SLC38A11: variants seen among roughly 807,000 people sequenced by gnomAD.
The protein encoded by SLC38A11 is solute carrier family 38 member 11.
A neutral mutation model predicts 49.4 loss-of-function variants in SLC38A11; 51 were observed. The observed-to-expected ratio is 1.03, with a 90% CI of 0.83 to 1.30. SLC38A11 has a LOEUF of 1.30. Among genes scored for constraint, SLC38A11 ranks in the 50% most tolerant of loss-of-function variants. The pLI, the probability that SLC38A11 is intolerant of heterozygous loss-of-function variation, is 0.00. For synonymous variants in SLC38A11, 203 were observed against 192.9 expected (o/e 1.05, Z -0.43); for missense variants, 574 against 556.2 (o/e 1.03, Z -0.32).
intron 7 of SLC38A11, among the ~76,000 whole-genome samples, chr2:164,923,478 C>T (rs1002140295): frequency 8.6e-5 from 13 of 151,786 alleles, no homozygotes; most frequent in African/African-American, 3.1e-4. Context: ...AAGAAATGCT[C>T]AACATTACTA....
At chr2:164,911,794 TTGAGA>T (rs755034909) in intron 9 of SLC38A11, 46 bp from the exon 10 acceptor site, 2 of 1,044,388 alleles carry the variant, frequency 1.9e-6, no homozygotes, top group Non-Finnish European at 1.4e-6. Context: ...TACTAAATGT[TTGAGA>T]TAACTATCTA....
chr2:164,909,922 C>T (rs1034764362), intron 10 of SLC38A11, among the ~76,000 whole-genome samples: 8 of 152,002 alleles, frequency 5.3e-5, no homozygotes, highest in African/African-American at 1.9e-4. Flanking sequence ...TGTAATGTCT[C>T]TCCAAGTATT....
rs752145268 is a variant in SLC38A11 at position 164,898,685 on chromosome 2, A to T, written c.1141T>A (p.Cys381Ser). ...GGTTCTTCAGACAGTTTCAGATAAC[A>T]GGCTGATGGAATGATAAAAATGAGG... Reference protein sequence around the residue: ...TPLIFIIPSACYLKLSEEPRT... With the variant: ...TPLIFIIPSASYLKLSEEPRT... Residue 381 changes from cysteine to serine, a missense_variant, in exon 12 of 12, where the codon TGT becomes AGT. Physicochemically the swap from Cys to Ser is moderately radical, Grantham distance 112 (BLOSUM62 -1). Transcript: ENST00000685975. The T allele has an allele frequency of 5.0e-6, 8 of 1,613,470 alleles. No individual in the cohort carries two copies. The highest frequency in any genetic ancestry group is 1.7e-4 in the Middle Eastern group (1 of 6,056).
chr2:164,939,669 A>G (rs1278105623), intron 5 of SLC38A11, 113 bp from the exon 6 acceptor site: 2 of 547,362 alleles, frequency 3.7e-6, no homozygotes, highest in East Asian at 3.1e-5. Flanking sequence ...TACTACCTCA[A>G]TGACAATAAT....
chr2:164,921,431 C>T (rs541433859), intron 7 of SLC38A11, among the ~76,000 whole-genome samples: 1 of 152,258 alleles, frequency 6.6e-6, no homozygotes, highest in Admixed American at 6.5e-5. Context: ...AAGAGGTCCT[C>T]CAGCCTCTGC....
chr2:164,928,042 T>G lies in SLC38A11; in HGVS notation c.617+9308A>C, dbSNP rs906942357. 4.1e-4 allele frequency among the ~76,000 whole-genome samples: 62 copies of G among 152,182 alleles called. 1 individual carries two copies. Among genetic ancestry groups the G allele is most frequent in the Non-Finnish European group, 1.2e-4 (8 of 68,034 alleles). ...GGTGGGTGAAATAAGTACTTAATAT[T>G]GAGGAGCCTAGGCTGTTCCTCTAGC... On this transcript the variant is annotated intron_variant, in intron 7 of 11. Transcript: ENST00000685975.
chr2:164,919,773 T>A (rs948130020), intron 7 of SLC38A11, among the ~76,000 whole-genome samples: 1 of 152,220 alleles, frequency 6.6e-6, no homozygotes, highest in Non-Finnish European at 1.5e-5. Flanking sequence ...ATTATTGTCA[T>A]ATTGTTATTT....
rs1416798715 is a variant in SLC38A11, at chr2:164,955,446, G to A, written c.-199C>T. ...GCCCCAAGATCTCTAGGCTGTGGCA[G>A]CCTGGGGCGCTTTTCCACCGGAGTT... On this transcript the variant is annotated 5_prime_UTR_variant, in exon 1 of 12. Coordinates refer to ENST00000685975, the MANE Select transcript of SLC38A11 (RefSeq NM_001351537.2). The A allele has an allele frequency of 1.8e-6, 1 of 558,302 alleles. No homozygotes were observed. Among genetic ancestry groups the A allele is most frequent in the Non-Finnish European group, 3.2e-6 (1 of 313,482 alleles). 34.6% of individuals were successfully genotyped at this position (558,302 alleles called of 1,614,324 possible).
In SLC38A11 at chr2:164,896,439, G is replaced by C. The variant is rs1421503099; in HGVS notation, c.*1998C>G. The stretch of plus-strand genomic sequence containing the variant: ...TGTTATCCTTGACATACTTTTCTTT[G>C]TACATGCTTAGAGATCTCATCCCTC... On this transcript the variant is annotated 3_prime_UTR_variant, in exon 12 of 12. Transcript: ENST00000685975. 6.6e-6 allele frequency: 1 copy of C among 152,002 alleles called. No homozygotes were observed. Among genetic ancestry groups the C allele is most frequent in the Non-Finnish European group, 1.5e-5 (1 of 68,020 alleles). The allele number at this position is 152,002 out of a possible 1,614,324, so 9.4% of individuals were successfully genotyped here.
At chr2:164,904,991 T>G (rs1292485121) in intron 11 of SLC38A11, among the ~76,000 whole-genome samples, 4 of 152,164 alleles carry the variant, frequency 2.6e-5, no homozygotes, top group African/African-American at 9.6e-5. Context: ...CTCAGAGTAT[T>G]TAATCATGCA....
intron 10 of SLC38A11, among the ~76,000 whole-genome samples, chr2:164,911,040 G>T (rs1043511133): frequency 2.6e-5 from 4 of 151,344 alleles, no homozygotes; most frequent in Admixed American, 6.6e-5. Flanking sequence ...TATATTATTA[G>T]TTTATGTTAT....
At chr2:164,910,753 A>C (rs1685342507) in intron 10 of SLC38A11, among the ~76,000 whole-genome samples, 1 of 152,118 alleles carries the variant, frequency 6.6e-6, no homozygotes, top group African/African-American at 2.4e-5. Flanking sequence ...GCCTCTAGGA[A>C]CAGATCCTAT....
intron 3 of SLC38A11, among the ~76,000 whole-genome samples, chr2:164,948,423 G>A (rs1688286548): frequency 6.6e-6 from 1 of 152,166 alleles, no homozygotes; most frequent in South Asian, 2.1e-4. Context: ...AGAGGTAGGT[G>A]CTGGTTATCA....
chr2:164,952,769 G>T lies in SLC38A11; in HGVS notation c.167C>A (p.Ser56Ter). 1 of 1,601,438 alleles carries T rather than the reference G, an allele frequency of 6.2e-7. No individual in the cohort carries two copies. Among genetic ancestry groups the T allele is most frequent in the African/African-American group, 1.4e-5 (1 of 73,904 alleles). Reference protein sequence around the residue: ...IGSGIIGLPYSMKQAGFPLGI... With the variant: ...IGSGIIGLPY ...CAAAGGAAACCCAGCTTGCTTCATT[G>T]AATAAGGCAATCCTGAAAAAACATA... The change falls in exon 3 of 12, where the codon TCA (serine) becomes TAA (stop). Residue 56 changes from serine to a stop codon, truncating the protein, a stop_gained. Coordinates refer to ENST00000685975, the MANE Select transcript of SLC38A11 (RefSeq NM_001351537.2). LOFTEE classifies it high-confidence loss of function.
chr2:164,954,515 C>T, intron 2 of SLC38A11, 116 bp downstream of exon 2: 1 of 494,434 alleles, frequency 2.0e-6, no homozygotes, highest in Non-Finnish European at 3.6e-6. Context: ...AGAAAATTAC[C>T]AATTTTCTTA....
chr2:164,933,686 G>A (rs186023626), intron 7 of SLC38A11, among the ~76,000 whole-genome samples: 29 of 152,052 alleles, frequency 1.9e-4, no homozygotes, highest in Non-Finnish European at 3.4e-4. Flanking sequence ...CATCTGAACC[G>A]AAAATGAAGA....
chr2:164,903,994 A>T (rs951654357), intron 11 of SLC38A11, among the ~76,000 whole-genome samples: 5 of 152,174 alleles, frequency 3.3e-5, no homozygotes, highest in African/African-American at 1.2e-4. Flanking sequence ...AAACTCATGA[A>T]ATTCACTCCA....
At chr2:164,909,646 G>T (rs1007763729) in intron 10 of SLC38A11, among the ~76,000 whole-genome samples, 7 of 151,516 alleles carry the variant, frequency 4.6e-5, no homozygotes, top group African/African-American at 1.5e-4. Context: ...AGAATTATAG[G>T]CTGAGACAAG....
chr2:164,954,533 C>T (rs1688723148), intron 2 of SLC38A11, 98 bp downstream of exon 2: 2 of 533,134 alleles, frequency 3.8e-6, no homozygotes, highest in Non-Finnish European at 6.4e-6. Context: ...TTATTTAAGT[C>T]TTTTTTTCTT....
Sources: gnomAD v4.1 joint callset for allele counts (sites outside exome capture counted in the v4.1 genomes callset) on GRCh38, gnomAD v4.1.1 for gene constraint, MANE v1.5 for transcripts, NCBI Gene and HGNC (gene_info 2026-07-23, HGNC 2026-07-21) for gene names.